Variants in CCDC181 observed in about 807,000 individuals in gnomAD.
CCDC181 encodes the protein coiled-coil domain containing 181.
Under a neutral mutation model 58.7 loss-of-function variants are expected in CCDC181, and 35 were observed. The ratio of observed to expected loss-of-function variants is 0.60; its 90% CI spans 0.46 to 0.79. The LOEUF (loss-of-function observed/expected upper bound fraction) is 0.79. Ranked by LOEUF, CCDC181 falls within the 30% of genes least tolerant of loss-of-function variation. The probability of loss-of-function intolerance (pLI) is 0.00; values close to 1 mark genes in which losing one functional copy is unlikely to be tolerated. For synonymous variants in CCDC181, 183 were observed against 197.5 expected (o/e 0.93, Z 0.62); for missense variants, 517 against 583.9 (o/e 0.89, Z 1.18).
At chr1:169,444,337 C>T (rs1047910525) in intron 2 of CCDC181, among the ~76,000 whole-genome samples, 2 of 152,104 alleles carry the variant, frequency 1.3e-5, no homozygotes, top group African/African-American at 4.8e-5. Context: ...GAAGAAATCA[C>T]GAGTGTTCCT....
At chr1:169,459,045 AAAAT>A (rs1332240159) in intron 2 of CCDC181, among the ~76,000 whole-genome samples, 11 of 151,858 alleles carry the variant, frequency 7.2e-5, no homozygotes, top group African/African-American at 1.9e-4. Context: ...CAGTGAGTAA[AAAAT>A]AAAATAAAAT....
chr1:169,439,610 C>T (rs938312672), intron 2 of CCDC181, among the ~76,000 whole-genome samples: 1 of 152,072 alleles, frequency 6.6e-6, no homozygotes, highest in Non-Finnish European at 1.5e-5. Context: ...AATTAATGCT[C>T]TTTTAGCAGT....
At chr1:169,435,123 T>A (rs1291708423) in intron 2 of CCDC181, among the ~76,000 whole-genome samples, 1 of 151,978 alleles carries the variant, frequency 6.6e-6, no homozygotes, top group Non-Finnish European at 1.5e-5. Flanking sequence ...TTTACCACAA[T>A]AAAAAGTTTT....
chr1:169,411,746 T>C (rs755804122), intron 4 of CCDC181, among the ~76,000 whole-genome samples: 3 of 152,166 alleles, frequency 2.0e-5, no homozygotes, highest in Non-Finnish European at 4.4e-5. Flanking sequence ...ATAAACATAA[T>C]CCATCATATA....
intron 5 of CCDC181, chr1:169,395,792 C>CAT (rs1571452862): frequency 1.3e-5 from 2 of 151,164 alleles, no homozygotes; most frequent in Admixed American, 6.6e-5. Flanking sequence ...ACTGCATATA[C>CAT]ATATATACCT....
At chr1:169,404,569 A>G (rs1309678925) in intron 4 of CCDC181, among the ~76,000 whole-genome samples, 1 of 152,242 alleles carries the variant, frequency 6.6e-6, no homozygotes, top group Non-Finnish European at 1.5e-5. Flanking sequence ...CCACATGATT[A>G]TCTCAATAGA....
At chr1:169,432,121 A>G (rs1656937128), upstream of CCDC181, among the ~76,000 whole-genome samples, 1 of 152,156 alleles carries the variant, frequency 6.6e-6, no homozygotes, top group Non-Finnish European at 1.5e-5. Flanking sequence ...AAAATAATAT[A>G]TAAACAAAAT....
upstream of CCDC181, among the ~76,000 whole-genome samples, chr1:169,427,874 G>A (rs1285425896): frequency 6.6e-6 from 1 of 152,112 alleles, no homozygotes; most frequent in African/African-American, 2.4e-5. Flanking sequence ...AAAGAAAATA[G>A]GATTTTTGCT....
chr1:169,403,841 G>A (rs1452536763), intron 4 of CCDC181, among the ~76,000 whole-genome samples: 2 of 151,838 alleles, frequency 1.3e-5, no homozygotes, highest in Admixed American at 6.6e-5. Context: ...AGAGACAAAA[G>A]AAACCCTTCA....
intron 4 of CCDC181, among the ~76,000 whole-genome samples, chr1:169,408,433 C>A (rs1056687857): frequency 6.6e-6 from 1 of 152,234 alleles, no homozygotes; most frequent in Admixed American, 6.5e-5. Flanking sequence ...CACCCTGGGA[C>A]AGAGCACCTG....
At chr1:169,418,058 T>G (rs1656291443) in intron 4 of CCDC181, among the ~76,000 whole-genome samples, 1 of 152,184 alleles carries the variant, frequency 6.6e-6, no homozygotes, top group South Asian at 2.1e-4. Flanking sequence ...CACACACTGT[T>G]GGAGGAACTA....
chr1:169,414,663 G>A (rs937252997), intron 4 of CCDC181, among the ~76,000 whole-genome samples: 4 of 151,982 alleles, frequency 2.6e-5, no homozygotes, highest in Admixed American at 6.6e-5. Context: ...CCTAAAAATG[G>A]CAATAAAAAT....
At chr1:169,458,812 TTA>T (rs1454526219) in intron 2 of CCDC181, among the ~76,000 whole-genome samples, 5 of 152,064 alleles carry the variant, frequency 3.3e-5, no homozygotes, top group Admixed American at 6.5e-5. Flanking sequence ...GCTTATTTAT[TTA>T]TGTCTTTGGT....
chr1:169,409,346 A>C (rs543804705), intron 4 of CCDC181, among the ~76,000 whole-genome samples: 1 of 152,332 alleles, frequency 6.6e-6, no homozygotes, highest in South Asian at 2.1e-4. Context: ...GAGAAAAAAG[A>C]ATGAAAAGGA....
At chr1:169,403,221 T>C (rs904014699) in intron 4 of CCDC181, among the ~76,000 whole-genome samples, 3 of 152,194 alleles carry the variant, frequency 2.0e-5, no homozygotes, top group African/African-American at 7.2e-5. Context: ...TGGGAGACTT[T>C]AACACCCCAC....
rs80127542 is a variant in CCDC181, at chr1:169,421,897, G to A, written c.534C>T (p.Asn178=). Residue 178 remains asparagine (N), a synonymous_variant, in exon 3 of 6, where the codon AAC becomes AAT. Transcript: ENST00000367806. The stretch of plus-strand genomic sequence containing the variant: ...ACAGTTTCCCAAACATATTCCTTTC[G>A]TTTTCAAAATAATTTTTAAAAGTAG... ...DTTTFKNYFE[N]ERNMFGKLSQ... is the part of the protein sequence containing the mutation. 1.2e-3 allele frequency: 1,971 copies of A among 1,613,662 alleles called. 44 individuals are homozygous for A. The East Asian group carries it at 0.038, about 31-fold the overall frequency.
chr1:169,454,860 A>G (rs1208135), intron 2 of CCDC181, among the ~76,000 whole-genome samples: 144,449 of 152,022 alleles, frequency 0.95, 68,689 homozygotes, highest in African/African-American at 0.99. Flanking sequence ...AGTTTTATCC[A>G]TTATGTGTGT....
At chr1:169,434,158 G>A (rs571542504) in intron 2 of CCDC181, among the ~76,000 whole-genome samples, 171 of 151,996 alleles carry the variant, frequency 1.1e-3, no homozygotes, top group Middle Eastern at 3.4e-3. Flanking sequence ...ACATTTCTCC[G>A]AAAATACATG....
intron 2 of CCDC181, among the ~76,000 whole-genome samples, chr1:169,447,124 T>G (rs555462821): frequency 6.6e-6 from 1 of 152,154 alleles, no homozygotes; most frequent in Non-Finnish European, 1.5e-5. Context: ...TTTTGGTTTA[T>G]TTTTTTGAGA....
Sources: gnomAD v4.1 joint callset for allele counts (sites outside exome capture counted in the v4.1 genomes callset) on GRCh38, gnomAD v4.1.1 for gene constraint, MANE v1.5 for transcripts, NCBI Gene and HGNC (gene_info 2026-07-23, HGNC 2026-07-21) for gene names.